PCDH9: variants seen among roughly 807,000 people sequenced by gnomAD.
PCDH9 encodes protocadherin-9.
In PCDH9, 24 loss-of-function variants were observed where a neutral mutation model predicts 70.6. That is an observed-to-expected ratio of 0.34 (90% CI 0.25 to 0.48). PCDH9 has a LOEUF of 0.48. Ranked by LOEUF, PCDH9 falls within the 20% of genes least tolerant of loss-of-function variation. The pLI, the probability that PCDH9 is intolerant of heterozygous loss-of-function variation, is 0.99. For synonymous variants in PCDH9, 562 were observed against 558.5 expected, an observed-to-expected ratio of 1.01 and a Z score of -0.09; for missense variants, 1,281 against 1,503.6, an observed-to-expected ratio of 0.85 and a Z score of 2.45.
intron 4 of PCDH9, among the ~76,000 whole-genome samples, chr13:66,441,037 C>T (rs1165070491): frequency 1.3e-5 from 2 of 152,154 alleles, no homozygotes; most frequent in African/African-American, 4.8e-5. Flanking sequence ...ATTTTAATGT[C>T]TTTTATTTTA....
intron 4 of PCDH9, among the ~76,000 whole-genome samples, chr13:66,501,812 C>T (rs1282476112): frequency 6.6e-6 from 1 of 152,002 alleles, no homozygotes; most frequent in Non-Finnish European, 1.5e-5. Context: ...GTAGTATGTA[C>T]ATTTTACTTA....
At chr13:67,126,408 T>C (rs1467515835) in intron 2 of PCDH9, among the ~76,000 whole-genome samples, 3 of 152,182 alleles carry the variant, frequency 2.0e-5, no homozygotes, top group African/African-American at 7.2e-5. Flanking sequence ...CATTACATTG[T>C]GGTTAGATAC....
chr13:66,651,330 C>T (rs1037837606), intron 3 of PCDH9, among the ~76,000 whole-genome samples: 1 of 151,808 alleles, frequency 6.6e-6, no homozygotes, highest in African/African-American at 2.4e-5. Flanking sequence ...TGAGACATTA[C>T]CACTGATACA....
rs1419692279 is a variant in PCDH9 at position 66,364,449 on chromosome 13, G to A, written c.3341-59421C>T. On this transcript the variant is annotated intron_variant, in intron 4 of 4. Transcript: ENST00000377865. Reference sequence around the variant, plus strand: ...ACTGTAATTGGTGAATGTTTAAGGTGTGTGTACAGAAAAGGATATGATTTC... The same window carrying A: ...ACTGTAATTGGTGAATGTTTAAGGTATGTGTACAGAAAAGGATATGATTTC... Among the ~76,000 whole-genome samples the A allele has an allele frequency of 9.2e-5, 14 of 152,294 alleles. No homozygotes were observed. The East Asian group carries it at 2.1e-3, about 23-fold the overall frequency.
intron 4 of PCDH9, among the ~76,000 whole-genome samples, chr13:66,570,718 A>T (rs1041313350): frequency 2.0e-5 from 3 of 152,146 alleles, no homozygotes; most frequent in Non-Finnish European, 1.5e-5. Flanking sequence ...AAGTAGTTAG[A>T]TTAGGCAATA....
chr13:66,994,492 G>GA (rs1594364532), intron 2 of PCDH9, among the ~76,000 whole-genome samples: 2 of 152,254 alleles, frequency 1.3e-5, no homozygotes, highest in East Asian at 3.9e-4. Flanking sequence ...GGAGCTGAAA[G>GA]ATAACAGCTT....
chr13:66,752,745 G>A (rs2079480124), intron 3 of PCDH9, among the ~76,000 whole-genome samples: 1 of 152,206 alleles, frequency 6.6e-6, no homozygotes, highest in South Asian at 2.1e-4. Flanking sequence ...TGTCTGATTT[G>A]ATACAGTAGG....
At chr13:66,552,465 C>A (rs77172831) in intron 4 of PCDH9, among the ~76,000 whole-genome samples, 6,877 of 152,090 alleles carry the variant, frequency 0.045, 213 homozygotes, top group South Asian at 0.11. Context: ...TGATGTGATT[C>A]CCTCTCAGGT....
chr13:66,464,043 A>G (rs900996756), intron 4 of PCDH9, among the ~76,000 whole-genome samples: 4 of 151,862 alleles, frequency 2.6e-5, no homozygotes, highest in African/African-American at 9.7e-5. Flanking sequence ...TTACACTAGG[A>G]CCACCAAAGT....
chr13:66,508,084 T>C (rs762876399), intron 4 of PCDH9, among the ~76,000 whole-genome samples: 3 of 152,196 alleles, frequency 2.0e-5, no homozygotes, highest in Non-Finnish European at 4.4e-5. Context: ...AGTTTGTTCA[T>C]GGAGTTGTCA....
chr13:66,387,280 A>T (rs1411848562), intron 4 of PCDH9, among the ~76,000 whole-genome samples: 1 of 152,114 alleles, frequency 6.6e-6, no homozygotes, highest in African/African-American at 2.4e-5. Flanking sequence ...GTATCTCAAA[A>T]GTTATGTGCA....
chr13:66,511,154 A>G (rs1424915177), intron 4 of PCDH9, among the ~76,000 whole-genome samples: 1 of 152,124 alleles, frequency 6.6e-6, no homozygotes, highest in African/African-American at 2.4e-5. Context: ...CACATTAAAA[A>G]CCCTGAAGTA....
At chr13:67,198,513 T>C (rs2089131689) in intron 2 of PCDH9, among the ~76,000 whole-genome samples, 1 of 151,868 alleles carries the variant, frequency 6.6e-6, no homozygotes. Context: ...AAACAAACAG[T>C]CACCTTAAAA....
At chr13:67,009,652 A>G (rs2084416167) in intron 2 of PCDH9, among the ~76,000 whole-genome samples, 1 of 151,964 alleles carries the variant, frequency 6.6e-6, no homozygotes, top group Middle Eastern at 3.2e-3. Flanking sequence ...TTTCTCTCCC[A>G]CAGCAGATTC....
At chr13:66,817,923 C>T (rs1163242226) in intron 3 of PCDH9, among the ~76,000 whole-genome samples, 1 of 152,092 alleles carries the variant, frequency 6.6e-6, no homozygotes, top group Non-Finnish European at 1.5e-5. Flanking sequence ...CCACCACACC[C>T]GGTCTGATTT....
intron 4 of PCDH9, among the ~76,000 whole-genome samples, chr13:66,429,027 G>C (rs1957721350): frequency 6.7e-6 from 1 of 149,156 alleles, no homozygotes; most frequent in Admixed American, 6.6e-5. Flanking sequence ...TAGTTTCATT[G>C]TAATATGCAT....
chr13:67,228,446 T>G lies in PCDH9; in HGVS notation c.-6A>C, dbSNP rs762005337. 7.8e-6 allele frequency: 12 copies of G among 1,541,800 alleles called. No individual in the cohort carries two copies. In the African/African-American group the frequency reaches 1.7e-4, roughly 21 times the overall value. On this transcript the variant is annotated 5_prime_UTR_variant, in exon 2 of 5. Transcript: ENST00000377865. ...TAAAAATCCCTCAGGTCCATGATAA[T>G]GTATTTATTTTCTTTTCCTGGATTT...
rs58589562 is a variant in PCDH9 at position 66,849,517 on chromosome 13, T to TAGAGAGAGAGAGAGAG, written c.3138+53971_3138+53986dup. On this transcript the variant is annotated intron_variant, in intron 3 of 4. Coordinates refer to ENST00000377865, the MANE Select transcript of PCDH9 (RefSeq NM_203487.3). ...ATATATATATATATATATATATATATAGAGAGAGAGAGAGAGAGAGAGAGA... is the reference window on the plus strand; with the variant it reads ...ATATATATATATATATATATATATATAGAGAGAGAGAGAGAGAGAGAGAGAGAGAGAGAGAGAGAGA... Among the ~76,000 whole-genome samples, 38 of 63,568 alleles carry TAGAGAGAGAGAGAGAG rather than the reference T, an allele frequency of 6.0e-4. 2 individuals carry two copies. The highest frequency in any genetic ancestry group is 2.8e-3 in the African/African-American group (34 of 12,058). The allele number at this position is 63,568 out of a possible 152,430, so 41.7% of individuals were successfully genotyped here.
intron 2 of PCDH9, among the ~76,000 whole-genome samples, chr13:67,006,182 G>C (rs569691906): frequency 8.5e-5 from 13 of 152,132 alleles, no homozygotes; most frequent in Non-Finnish European, 1.8e-4. Context: ...AGCGGAGATC[G>C]TGCCACTGCA....
Sources: gnomAD v4.1 joint callset for allele counts (sites outside exome capture counted in the v4.1 genomes callset) on GRCh38, gnomAD v4.1.1 for gene constraint, MANE v1.5 for transcripts, NCBI Gene and HGNC (gene_info 2026-07-23, HGNC 2026-07-21) for gene names.